Variants in BBS2 observed in about 807,000 individuals in gnomAD.
The protein encoded by BBS2 is Bardet-Biedl syndrome 2.
In BBS2, 62 loss-of-function variants were observed where a neutral mutation model predicts 83.0. The observed-to-expected ratio is 0.75, with a 90% CI of 0.61 to 0.92. BBS2 has a LOEUF of 0.92. BBS2 is among the 40% of genes least tolerant of loss of function. The pLI, the probability that BBS2 is intolerant of heterozygous loss-of-function variation, is 0.00. For synonymous variants in BBS2, 303 were observed against 326.1 expected, an observed-to-expected ratio of 0.93 and a Z score of 0.76; for missense variants, 784 against 901.0, an observed-to-expected ratio of 0.87 and a Z score of 1.66.
Position 56,511,167 on chromosome 16 carries a change from A to T in BBS2, c.463T>A (p.Phe155Ile). The T allele has an allele frequency of 1.2e-6, 2 of 1,614,098 alleles. No homozygotes were observed. Among genetic ancestry groups the T allele is most frequent in the Non-Finnish European group, 1.7e-6 (2 of 1,180,002 alleles). The part of the protein sequence containing the change: ...QGFNHEGSDL[F>I]WTVTGDNVNS... ...TGTTTTCTTCTTCATACCGTCCAAAAGAGATCACTTCCTTCATGATTGAAA... is the reference window on the plus strand; with the variant it reads ...TGTTTTCTTCTTCATACCGTCCAAATGAGATCACTTCCTTCATGATTGAAA... Residue 155 changes from phenylalanine (F) to isoleucine (I), a missense_variant, in exon 3 of 17, where the codon TTT becomes ATT. Phe to Ile is a conservative substitution (Grantham distance 21). Coordinates refer to ENST00000245157, the MANE Select transcript of BBS2 (RefSeq NM_031885.5).
intron 5 of BBS2, 65 bp downstream of exon 5, chr16:56,509,892 G>A: frequency 1.9e-6 from 3 of 1,551,244 alleles, no homozygotes; most frequent in Non-Finnish European, 2.7e-6. Flanking sequence ...CTCACTTGAT[G>A]TTTCATCTGA....
chr16:56,493,855 T>C (rs577395501), intron 15 of BBS2, among the ~76,000 whole-genome samples: 5 of 152,356 alleles, frequency 3.3e-5, no homozygotes, highest in Admixed American at 6.5e-5. Flanking sequence ...TTAAACTGTT[T>C]TCAGCAATCA....
intron 17 of BBS2, chr16:56,470,771 A>G: frequency 6.3e-7 from 1 of 1,596,786 alleles, no homozygotes; most frequent in Non-Finnish European, 8.5e-7. Flanking sequence ...CCAGAGCCAG[A>G]GGAAAATGAA....
Position 56,485,624 on chromosome 16 carries a change from T to C in BBS2, c.2025A>G (p.Val675=), listed in dbSNP as rs939765873. The C allele has an allele frequency of 1.2e-6, 2 of 1,614,098 alleles. No individual in the cohort carries two copies. Among genetic ancestry groups the C allele is most frequent in the African/African-American group, 2.7e-5 (2 of 74,960 alleles). The change falls in exon 16 of 17, where the codon GTA becomes GTG. Residue 675 remains valine, a synonymous_variant. Transcript: ENST00000245157. ...GACCTGCTCTTTGAATTGCTTGATT[T>C]ACTGCTTTGAGGTTTCCCAACAGCT... ...HTELLGNLKA[V]NQAIQRAGRL...
At chr16:56,495,446 G>A (rs1307447185) in intron 15 of BBS2, among the ~76,000 whole-genome samples, 1 of 152,126 alleles carries the variant, frequency 6.6e-6, no homozygotes, top group African/African-American at 2.4e-5. Flanking sequence ...CTATACAGGG[G>A]ACAGAAGAAT....
Position 56,506,104 on chromosome 16 carries a change from G to A in BBS2, c.717+16C>T, listed in dbSNP as rs752825833. 2 of 1,611,178 alleles carry A rather than the reference G, an allele frequency of 1.2e-6. No homozygotes were observed. Among genetic ancestry groups the A allele is most frequent in the African/African-American group, 1.3e-5 (1 of 74,832 alleles). Reference sequence around the variant, plus strand: ...ACTATCAAGCGCCTGAATATCAAAGGCTAAATTATACTAACTTTAATTCTC... The same window carrying A: ...ACTATCAAGCGCCTGAATATCAAAGACTAAATTATACTAACTTTAATTCTC... On this transcript the variant is annotated intron_variant, in intron 6 of 16. Coordinates refer to ENST00000245157, the MANE Select transcript of BBS2 (RefSeq NM_031885.5).
At chr16:56,503,610 T>C (rs1479761237) in intron 7 of BBS2, among the ~76,000 whole-genome samples, 4 of 152,180 alleles carry the variant, frequency 2.6e-5, no homozygotes, top group African/African-American at 4.8e-5. Context: ...TGATAATAAG[T>C]GACCATCACT....
downstream of BBS2, among the ~76,000 whole-genome samples, chr16:56,481,320 C>T (rs1429835591): frequency 1.3e-5 from 2 of 151,814 alleles, no homozygotes; most frequent in Non-Finnish European, 2.9e-5. Flanking sequence ...GCGAGGGTGA[C>T]GCTGGTTAAG....
At chr16:56,519,484 T>G in intron 1 of BBS2, 1 of 494,408 alleles carries the variant, frequency 2.0e-6, no homozygotes, top group African/African-American at 1.9e-5. Context: ...ACGTCTCTTT[T>G]CTAAGCTCCC....
intron 15 of BBS2, among the ~76,000 whole-genome samples, chr16:56,495,663 T>C (rs1964094531): frequency 6.6e-6 from 1 of 152,182 alleles, no homozygotes; most frequent in Admixed American, 6.5e-5. Flanking sequence ...ATAAGACAAC[T>C]GGGAACATCT....
chr16:56,478,120 T>A (rs925774289), intron 17 of BBS2: 2 of 152,208 alleles, frequency 1.3e-5, no homozygotes, highest in African/African-American at 4.8e-5. Flanking sequence ...CCTATGCATA[T>A]GGTAACGAAC....
chr16:56,501,899 ATGTT>A (rs1964286653), intron 9 of BBS2: 1 of 357,928 alleles, frequency 2.8e-6, no homozygotes, highest in African/African-American at 2.1e-5. Context: ...TGTTTTTAAC[ATGTT>A]TGTTTTTGAA....
intron 7 of BBS2, among the ~76,000 whole-genome samples, chr16:56,505,649 G>A (rs932519442): frequency 7.2e-5 from 11 of 152,178 alleles, no homozygotes; most frequent in African/African-American, 2.7e-4. Flanking sequence ...CTTTTTTACT[G>A]TTGTACTACC....
Position 56,519,954 on chromosome 16 carries a change from T to A in BBS2, c.-92A>T. 1.8e-6 allele frequency: 2 copies of A among 1,124,256 alleles called. No homozygotes were observed. Among genetic ancestry groups the A allele is most frequent in the Non-Finnish European group, 2.7e-6 (2 of 751,648 alleles). 69.6% of individuals were successfully genotyped at this position (1,124,256 alleles called of 1,614,324 possible). On this transcript the variant is annotated 5_prime_UTR_variant, in exon 1 of 17. Transcript: ENST00000245157. ...GCCCGGGCAAGAAGTGCAGGGACAC[T>A]ACCTGCGCGGCCCCAGCCGCCTCAG...
chr16:56,473,901 G>C (rs969247657), intron 17 of BBS2, among the ~76,000 whole-genome samples: 17 of 151,888 alleles, frequency 1.1e-4, no homozygotes, highest in African/African-American at 4.1e-4. Context: ...CTGCCTCCCA[G>C]GTTCAAGCGA....
chr16:56,500,649 ATCTT>A, intron 11 of BBS2: 1 of 561,122 alleles, frequency 1.8e-6, no homozygotes, highest in Non-Finnish European at 3.1e-6. Context: ...AAAAAGAACC[ATCTT>A]AAACTTACAT....
intron 15 of BBS2, among the ~76,000 whole-genome samples, chr16:56,492,564 G>A (rs769509496): frequency 1.9e-4 from 29 of 152,290 alleles, no homozygotes; most frequent in Middle Eastern, 6.8e-3. Context: ...CTCTAAAGAT[G>A]TGCTGTACAA....
In BBS2 at chr16:56,502,442, G is replaced by A. The variant is rs1408125890; in HGVS notation, c.955C>T (p.Pro319Ser). Residue 319 changes from proline to serine, a missense_variant, in exon 9 of 17, where the codon CCT (proline) becomes TCT (serine). Coordinates refer to ENST00000245157, the MANE Select transcript of BBS2 (RefSeq NM_031885.5). ...SVDGEIRGYL[P>S]GTAEMRGNLM... is the part of the protein sequence containing the mutation. ...TTGCCCCTCATCTCAGCCGTGCCAGGCAGGTAGCCCCGGACTGAACAGAAG... is the reference window on the plus strand; with the variant it reads ...TTGCCCCTCATCTCAGCCGTGCCAGACAGGTAGCCCCGGACTGAACAGAAG... The A allele has an allele frequency of 6.2e-7, 1 of 1,614,204 alleles. No homozygotes were observed. Among genetic ancestry groups the A allele is most frequent in the South Asian group, 1.1e-5 (1 of 91,088 alleles).
At chr16:56,480,362 A>C (rs1217765608), downstream of BBS2, among the ~76,000 whole-genome samples, 6 of 147,490 alleles carry the variant, frequency 4.1e-5, no homozygotes, top group Admixed American at 4.0e-4. Flanking sequence ...CAAAAAAAAA[A>C]AAACAAAAAA....
Sources: allele counts gnomAD v4.1 joint callset (sites outside exome capture counted in the v4.1 genomes callset), GRCh38; gene constraint gnomAD v4.1.1; transcripts MANE v1.5; gene names NCBI Gene and HGNC (gene_info 2026-07-23, HGNC 2026-07-21).